OSBPL6: variants seen among roughly 807,000 people sequenced by gnomAD.
OSBPL6 encodes oxysterol-binding protein-related protein 6.
OSBPL6 carries 49 observed loss-of-function variants against 125.8 expected under a neutral mutation model. The observed-to-expected ratio is 0.39, with a 90% confidence interval of 0.31 to 0.49. OSBPL6 has a LOEUF of 0.49. OSBPL6 is among the 20% of genes least tolerant of loss of function. The pLI is 0.88. For missense variants in OSBPL6, 986 were observed against 1,135.4 expected (o/e 0.87, Z 1.89); for synonymous variants, 394 against 391.8 (o/e 1.01, Z -0.07).
intron 17 of OSBPL6, 110 bp downstream of exon 17, chr2:178,383,387 C>A: frequency 7.2e-7 from 1 of 1,397,638 alleles, no homozygotes; most frequent in Non-Finnish European, 9.5e-7. Context: ...ATTCTTACTG[C>A]ATAGTAAAAG....
chr2:178,309,122 C>G (rs2154062342), intron 3 of OSBPL6, among the ~76,000 whole-genome samples: 1 of 152,242 alleles, frequency 6.6e-6, no homozygotes, highest in Middle Eastern at 3.4e-3. Flanking sequence ...CCACCCTCCT[C>G]TCAACCAGAT....
intron 11 of OSBPL6, 108 bp downstream of exon 11, chr2:178,339,872 A>G: frequency 1.6e-6 from 1 of 637,860 alleles, no homozygotes; most frequent in Non-Finnish European, 2.5e-6. Flanking sequence ...TAACTGCTTT[A>G]AAGCCAGCAC....
chr2:178,363,617 C>A (rs907703871), intron 13 of OSBPL6, among the ~76,000 whole-genome samples: 1 of 152,094 alleles, frequency 6.6e-6, no homozygotes, highest in African/African-American at 2.4e-5. Context: ...TTGAACCTGG[C>A]CTGAGTAGAC....
chr2:178,238,853 T>G (rs1206281281), intron 1 of OSBPL6, among the ~76,000 whole-genome samples: 1 of 152,160 alleles, frequency 6.6e-6, no homozygotes, highest in African/African-American at 2.4e-5. Flanking sequence ...ATGTAGGTAC[T>G]TCCCCCCAAC....
At chr2:178,368,364 T>A (rs2154102957) in intron 13 of OSBPL6, among the ~76,000 whole-genome samples, 1 of 152,286 alleles carries the variant, frequency 6.6e-6, no homozygotes, top group Middle Eastern at 3.4e-3. Context: ...CAGTCTTGAT[T>A]TCCATGCTTC....
chr2:178,260,357 C>CTATATGTATATG (rs71393412), intron 1 of OSBPL6, among the ~76,000 whole-genome samples: 6,150 of 151,340 alleles, frequency 0.041, 398 homozygotes, highest in African/African-American at 0.14. Flanking sequence ...GACTTCCAAG[C>CTATATGTATATG]TATATGTATA....
chr2:178,297,479 C>T (rs569476623), intron 2 of OSBPL6, among the ~76,000 whole-genome samples: 2 of 152,284 alleles, frequency 1.3e-5, no homozygotes, highest in South Asian at 2.1e-4. Flanking sequence ...TGGATATCTA[C>T]AGTCTGCAAG....
Position 178,400,065 on chromosome 2 carries a change from C to T in OSBPL6, c.*4506C>T, listed in dbSNP as rs547594203. 6.6e-6 allele frequency: 1 copy of T among 152,198 alleles called. No homozygotes were observed. The highest frequency in any genetic ancestry group is 1.9e-4 in the East Asian group (1 of 5,188). The allele number at this position is 152,198 out of a possible 1,614,324, so 9.4% of individuals were successfully genotyped here. On this transcript the variant is annotated 3_prime_UTR_variant, in exon 25 of 25. Coordinates refer to ENST00000190611, the MANE Select transcript of OSBPL6 (RefSeq NM_032523.4). ...AAGTTTTCATAAAGCAAAGTATCAT[C>T]TTATTTGTGTTCCACCTGTTTCTTC...
intron 15 of OSBPL6, among the ~76,000 whole-genome samples, chr2:178,377,859 C>T (rs1223715804): frequency 6.6e-6 from 1 of 152,186 alleles, no homozygotes. Flanking sequence ...GACAGAGTCT[C>T]ATTCTGTCAC....
chr2:178,360,999 G>C (rs560603325), intron 12 of OSBPL6, among the ~76,000 whole-genome samples: 1 of 152,168 alleles, frequency 6.6e-6, no homozygotes, highest in Admixed American at 6.6e-5. Flanking sequence ...TGTAGTTCAC[G>C]ATTGAAGACT....
Position 178,332,757 on chromosome 2 carries a change from G to A in OSBPL6, c.486+3G>A. Reference sequence around the variant, plus strand: ...AAGAGCACATCTATCATTTGAAGGTGAAATCAGTTTTCAACAGTTTCTCTG... The same window carrying A: ...AAGAGCACATCTATCATTTGAAGGTAAAATCAGTTTTCAACAGTTTCTCTG... On this transcript the variant is annotated splice_donor_region_variant and intron_variant, in intron 7 of 24. Transcript: ENST00000190611. 1.9e-6 allele frequency: 3 copies of A among 1,613,714 alleles called. No individual in the cohort carries two copies. Among genetic ancestry groups the A allele is most frequent in the East Asian group, 2.2e-5 (1 of 44,868 alleles).
intron 21 of OSBPL6, among the ~76,000 whole-genome samples, chr2:178,390,826 G>A (rs1167599791): frequency 1.3e-5 from 2 of 152,232 alleles, no homozygotes; most frequent in African/African-American, 2.4e-5. Flanking sequence ...AGGTTCTTGG[G>A]ATAGAAGCTG....
chr2:178,260,407 A>ATATGTG (rs2092021658), intron 1 of OSBPL6, among the ~76,000 whole-genome samples: 1 of 147,094 alleles, frequency 6.8e-6, no homozygotes, highest in African/African-American at 2.7e-5. Context: ...ATGTATATGT[A>ATATGTG]TATGTGTATG....
At chr2:178,249,957 G>A (rs1431889116) in intron 1 of OSBPL6, among the ~76,000 whole-genome samples, 1 of 151,160 alleles carries the variant, frequency 6.6e-6, no homozygotes, top group East Asian at 2.0e-4. Context: ...TCTTTGTTAA[G>A]GTCACCAATA....
intron 1 of OSBPL6, among the ~76,000 whole-genome samples, chr2:178,244,437 C>G (rs1171261832): frequency 1.2e-5 from 1 of 86,426 alleles, no homozygotes; most frequent in African/African-American, 1.1e-4. Context: ...TGACACAAAA[C>G]AAGTTCTTTT....
At chr2:178,362,939 C>T (rs1692487526) in intron 13 of OSBPL6, among the ~76,000 whole-genome samples, 1 of 152,198 alleles carries the variant, frequency 6.6e-6, no homozygotes, top group African/African-American at 2.4e-5. Context: ...ATGGCTTTCC[C>T]TGGACCCTTC....
At chr2:178,344,219 C>A in intron 11 of OSBPL6, 1 of 1,344,346 alleles carries the variant, frequency 7.4e-7, no homozygotes, top group Non-Finnish European at 1.1e-6. Context: ...TATCTTTCAT[C>A]CTCCCATCTT....
intron 12 of OSBPL6, among the ~76,000 whole-genome samples, chr2:178,351,112 C>G (rs1459047634): frequency 6.6e-6 from 1 of 151,866 alleles, no homozygotes; most frequent in Admixed American, 6.6e-5. Flanking sequence ...AATAAAGGTC[C>G]TTTATTAAAA....
At position 178,395,719 on chromosome 2, in the gene OSBPL6, C is replaced by A. The variant is rs1332932760; in HGVS notation, c.*160C>A. ...AATGGACTTTCAGAAGTGCATTAGA[C>A]AAGGCCCCTAACCACTTTGGGATCC... On this transcript the variant is annotated 3_prime_UTR_variant, in exon 25 of 25. Transcript: ENST00000190611. 2.3e-6 allele frequency: 1 copy of A among 443,756 alleles called. No individual in the cohort carries two copies. Among genetic ancestry groups the A allele is most frequent in the Non-Finnish European group, 4.1e-6 (1 of 242,864 alleles). The allele number at this position is 443,756 out of a possible 1,614,324, so 27.5% of individuals were successfully genotyped here. A position where few individuals can be genotyped will look rare whatever the true frequency, so the allele number is the denominator to read the frequency against.
Sources: allele counts gnomAD v4.1 joint callset (sites outside exome capture counted in the v4.1 genomes callset), GRCh38; gene constraint gnomAD v4.1.1; transcripts MANE v1.5; gene names NCBI Gene and HGNC (gene_info 2026-07-23, HGNC 2026-07-21).